EYA1: variants seen among roughly 807,000 people sequenced by gnomAD.
The protein encoded by EYA1 is EYA transcriptional coactivator and phosphatase 1.
A neutral mutation model predicts 82.0 loss-of-function variants in EYA1; 16 were observed. The observed-to-expected ratio is 0.20, with a 90% confidence interval of 0.13 to 0.30. The LOEUF is 0.30. Among genes scored for constraint, EYA1 ranks in the 10% least tolerant of loss-of-function variants. The pLI, the probability that EYA1 is intolerant of heterozygous loss-of-function variation, is 1.00. For synonymous variants in EYA1, 261 were observed against 264.4 expected (o/e 0.99, Z 0.12); for missense variants, 633 against 730.7 (o/e 0.87, Z 1.54).
At chr8:71,213,115 T>C (rs1302353301) in intron 16 of EYA1, among the ~76,000 whole-genome samples, 1 of 152,022 alleles carries the variant, frequency 6.6e-6, no homozygotes, top group Non-Finnish European at 1.5e-5. Context: ...TCCCCACATA[T>C]ACCTTATTTG....
At position 71,450,376 on chromosome 8, in the gene EYA1, T is replaced by G. The variant is rs140473875; in HGVS notation, c.33+85368A>C. Among the ~76,000 whole-genome samples the G allele has an allele frequency of 3.8e-3, 573 of 152,236 alleles. 2 individuals carry two copies. Among genetic ancestry groups the G allele is most frequent in the Non-Finnish European group, 6.4e-3 (433 of 68,026 alleles). Reference sequence around the variant, plus strand: ...ATTAACAGACCTAATTTGACTATTGTTGTGTCTCAGGGAATAGGGAGGCCT... The same window carrying G: ...ATTAACAGACCTAATTTGACTATTGGTGTGTCTCAGGGAATAGGGAGGCCT... On this transcript the variant is annotated intron_variant, in intron 2 of 18. Transcript: ENST00000643681.
chr8:71,328,828 A>T (rs1823468454), intron 4 of EYA1, among the ~76,000 whole-genome samples: 1 of 151,768 alleles, frequency 6.6e-6, no homozygotes, highest in African/African-American at 2.4e-5. Flanking sequence ...CTAGGCCTCA[A>T]CCCTGGCCTT....
chr8:71,356,311 T>C (rs1826872903), intron 2 of EYA1, 151 bp downstream of exon 2: 1 of 607,002 alleles, frequency 1.6e-6, no homozygotes, highest in Admixed American at 3.1e-5. Context: ...ATACTTAAAA[T>C]GTTTTACAAG....
intron 2 of EYA1, among the ~76,000 whole-genome samples, chr8:71,419,092 C>G (rs1563595652): frequency 6.6e-6 from 1 of 152,142 alleles, no homozygotes; most frequent in Admixed American, 6.6e-5. Context: ...TCTGGCCCAT[C>G]ATGGCACTCT....
Position 71,356,505 on chromosome 8 carries a change from T to C in EYA1, c.-48A>G. ...GCAACATCTGAACTGGCTTGAGATGTTTGCACCTGTGATCAGGGGTAAAAA... is the reference window on the plus strand; with the variant it reads ...GCAACATCTGAACTGGCTTGAGATGCTTGCACCTGTGATCAGGGGTAAAAA... On this transcript the variant is annotated 5_prime_UTR_variant, in exon 2 of 18. Coordinates refer to ENST00000340726, the MANE Select transcript of EYA1 (RefSeq NM_000503.6). 6.3e-7 allele frequency: 1 copy of C among 1,576,264 alleles called. No homozygotes were observed. The highest frequency in any genetic ancestry group is 8.6e-7 in the Non-Finnish European group (1 of 1,159,914).
intron 3 of EYA1, among the ~76,000 whole-genome samples, chr8:71,351,734 T>C (rs1228470556): frequency 6.6e-6 from 1 of 152,206 alleles, no homozygotes; most frequent in African/African-American, 2.4e-5. Context: ...GCAGCAGACT[T>C]AAGAAGAAAC....
At chr8:71,433,025 G>A (rs1805737237) in intron 2 of EYA1, among the ~76,000 whole-genome samples, 1 of 152,170 alleles carries the variant, frequency 6.6e-6, no homozygotes, top group Non-Finnish European at 1.5e-5. Context: ...CAGGAAGCAT[G>A]TGAAACAAAG....
chr8:71,528,884 C>G (rs1031714649), intron 2 of EYA1, among the ~76,000 whole-genome samples: 10 of 152,198 alleles, frequency 6.6e-5, no homozygotes, highest in African/African-American at 2.4e-4. Context: ...TGCCCAAGTA[C>G]AGAGCTAAGG....
At chr8:71,271,636 AAG>A in intron 10 of EYA1, 120 bp downstream of exon 10, 1 of 1,023,108 alleles carries the variant, frequency 9.8e-7, no homozygotes, top group Non-Finnish European at 1.5e-6. Context: ...TAATATAAAA[AAG>A]AAAGCAGTAA....
At chr8:71,316,080 AC>A (rs1334165530) in intron 7 of EYA1, among the ~76,000 whole-genome samples, 5 of 152,134 alleles carry the variant, frequency 3.3e-5, no homozygotes, top group Non-Finnish European at 5.9e-5. Flanking sequence ...AAAGATGACA[AC>A]CACTGAAGAG....
At position 71,239,115 on chromosome 8, in the gene EYA1, A is replaced by T. The variant is rs28661577; in HGVS notation, c.1140+5488T>A. On this transcript the variant is annotated intron_variant, in intron 12 of 17. Transcript: ENST00000340726. ...TCTTATAAGAAATGATGAAGAAACA[A>T]GAAGAGCAATAAAAATTATTCATTA... Among the ~76,000 whole-genome samples the T allele has an allele frequency of 3.5e-3, 538 of 152,328 alleles. 5 individuals carry two copies. The highest frequency in any genetic ancestry group is 0.013 in the African/African-American group (521 of 41,594).
intron 2 of EYA1, among the ~76,000 whole-genome samples, chr8:71,449,504 A>G (rs1807179804): frequency 6.6e-6 from 1 of 152,230 alleles, no homozygotes; most frequent in African/African-American, 2.4e-5. Flanking sequence ...AGATCTCAAC[A>G]CTGGGCTTAA....
chr8:71,488,312 GATAAT>G (rs1443217269), intron 2 of EYA1, among the ~76,000 whole-genome samples: 7 of 151,448 alleles, frequency 4.6e-5, no homozygotes, highest in Middle Eastern at 3.4e-3. Context: ...TGATATAAAG[GATAAT>G]ATAATATATA....
intron 3 of EYA1, among the ~76,000 whole-genome samples, chr8:71,338,508 C>A (rs775106686): frequency 6.6e-6 from 1 of 151,938 alleles, no homozygotes; most frequent in South Asian, 2.1e-4. Context: ...CATTGGAGCT[C>A]GGTGACATTA....
chr8:71,291,252 C>G (rs1818965215), intron 9 of EYA1, among the ~76,000 whole-genome samples: 2 of 152,170 alleles, frequency 1.3e-5, no homozygotes, highest in South Asian at 4.1e-4. Context: ...TCTGAGGGCT[C>G]AGAGTTCTGC....
At chr8:71,312,484 T>C (rs1189427083) in intron 7 of EYA1, among the ~76,000 whole-genome samples, 1 of 152,240 alleles carries the variant, frequency 6.6e-6, no homozygotes, top group Non-Finnish European at 1.5e-5. Flanking sequence ...TCTCACTCCA[T>C]TGCCCAGGCG....
chr8:71,430,412 C>T (rs1194522592), intron 2 of EYA1, among the ~76,000 whole-genome samples: 1 of 152,142 alleles, frequency 6.6e-6, no homozygotes, highest in Non-Finnish European at 1.5e-5. Flanking sequence ...GTTCGCTATA[C>T]TTGAGTACAA....
intron 2 of EYA1, among the ~76,000 whole-genome samples, chr8:71,494,445 T>C (rs1811263719): frequency 6.6e-6 from 1 of 152,230 alleles, no homozygotes; most frequent in African/African-American, 2.4e-5. Context: ...AATGAAGACG[T>C]AATCAATAGG....
At chr8:71,220,765 G>A (rs1029850640) in intron 12 of EYA1, among the ~76,000 whole-genome samples, 2 of 152,180 alleles carry the variant, frequency 1.3e-5, no homozygotes, top group African/African-American at 4.8e-5. Flanking sequence ...TGGGTGTGAG[G>A]GAAAGAGTTT....
Sources: gnomAD v4.1 joint callset for allele counts (sites outside exome capture counted in the v4.1 genomes callset) on GRCh38, gnomAD v4.1.1 for gene constraint, MANE v1.5 for transcripts, NCBI Gene and HGNC (gene_info 2026-07-23, HGNC 2026-07-21) for gene names.